MRTFA: variants seen among roughly 807,000 people sequenced by gnomAD.
MRTFA encodes myocardin-related transcription factor A.
MRTFA carries 20 observed loss-of-function variants against 83.5 expected under a neutral mutation model. That is an observed-to-expected ratio of 0.24 (90% CI 0.17 to 0.35). The LOEUF is 0.35. Among genes scored for constraint, MRTFA ranks in the 10% least tolerant of loss-of-function variants. The probability of loss-of-function intolerance (pLI) is 1.00; values close to 1 mark genes in which losing one functional copy is unlikely to be tolerated. For synonymous variants in MRTFA, 659 were observed against 541.2 expected, an observed-to-expected ratio of 1.22 and a Z score of -3.02; for missense variants, 1,200 against 1,224.7, an observed-to-expected ratio of 0.98 and a Z score of 0.30.
At chr22:40,453,307 T>A (rs1044791034) in intron 4 of MRTFA, among the ~76,000 whole-genome samples, 2 of 152,150 alleles carry the variant, frequency 1.3e-5, no homozygotes, top group African/African-American at 4.8e-5. Context: ...TCTTAAAGAA[T>A]GAAAAGATAA....
intron 2 of MRTFA, among the ~76,000 whole-genome samples, chr22:40,559,897 T>A (rs984330717): frequency 1.1e-4 from 16 of 152,218 alleles, no homozygotes; most frequent in African/African-American, 3.6e-4. Context: ...TTCAGAATAG[T>A]TCTGTAATTA....
At chr22:40,493,085 T>C (rs1226704898) in intron 3 of MRTFA, among the ~76,000 whole-genome samples, 1 of 152,176 alleles carries the variant, frequency 6.6e-6, no homozygotes, top group African/African-American at 2.4e-5. Flanking sequence ...CCATTTGATT[T>C]TACTCCTTGT....
chr22:40,441,961 T>C (rs2053285904), intron 4 of MRTFA, among the ~76,000 whole-genome samples: 1 of 152,096 alleles, frequency 6.6e-6, no homozygotes, highest in Non-Finnish European at 1.5e-5. Context: ...GCCAGAATGG[T>C]CTTGATTTAA....
intron 3 of MRTFA, chr22:40,519,674 A>T: frequency 4.3e-6 from 5 of 1,174,954 alleles, no homozygotes; most frequent in Non-Finnish European, 5.5e-6. Flanking sequence ...ACTTAAAAAA[A>T]ATGTTATAAC....
chr22:40,636,627 A>C lies in MRTFA; in HGVS notation c.-233T>G, dbSNP rs1008546744. 2 of 152,310 alleles carry C rather than the reference A, an allele frequency of 1.3e-5. No individual in the cohort carries two copies. The highest frequency in any genetic ancestry group is 4.8e-5 in the African/African-American group (2 of 41,444). The allele number at this position is 152,310 out of a possible 1,614,324, so 9.4% of individuals were successfully genotyped here. ...GGGCGTGTGGCCAGCGGCAACCAAG[A>C]GGGTGGGAAAGATGGGACCGTCGCT... is the stretch of plus-strand genomic sequence containing the variant. On this transcript the variant is annotated 5_prime_UTR_variant, in exon 1 of 15. Transcript: ENST00000355630.
intron 2 of MRTFA, among the ~76,000 whole-genome samples, chr22:40,583,200 CAT>C (rs914934129): frequency 6.6e-6 from 1 of 152,092 alleles, no homozygotes; most frequent in African/African-American, 2.4e-5. Flanking sequence ...AATATAGCCA[CAT>C]GACAGCTCAT....
chr22:40,452,378 G>A (rs1419075448), intron 4 of MRTFA, among the ~76,000 whole-genome samples: 1 of 152,152 alleles, frequency 6.6e-6, no homozygotes, highest in Non-Finnish European at 1.5e-5. Flanking sequence ...AAATAGTTGA[G>A]TAGTACCTAC....
At chr22:40,624,811 T>C (rs989410548) in intron 1 of MRTFA, among the ~76,000 whole-genome samples, 2 of 152,246 alleles carry the variant, frequency 1.3e-5, no homozygotes, top group Admixed American at 1.3e-4. Context: ...CTTGTCCAAA[T>C]TGTATAAGTC....
intron 3 of MRTFA, among the ~76,000 whole-genome samples, chr22:40,536,063 G>C (rs1037761651): frequency 2.0e-5 from 3 of 151,880 alleles, no homozygotes; most frequent in South Asian, 2.1e-4. Context: ...AGGCCAAACG[G>C]GAGGGTGGGT....
At chr22:40,511,587 C>T (rs1218454643) in intron 3 of MRTFA, among the ~76,000 whole-genome samples, 1 of 152,236 alleles carries the variant, frequency 6.6e-6, no homozygotes, top group Non-Finnish European at 1.5e-5. Context: ...GAAATTCCCT[C>T]TCTCTGTTCC....
At chr22:40,598,965 TC>T (rs1233996133) in intron 1 of MRTFA, among the ~76,000 whole-genome samples, 1 of 140,648 alleles carries the variant, frequency 7.1e-6, no homozygotes. Flanking sequence ...GCCACTGCAC[TC>T]CAGCCTGGGC....
At chr22:40,610,124 G>A (rs2056370300) in intron 1 of MRTFA, among the ~76,000 whole-genome samples, 1 of 137,012 alleles carries the variant, frequency 7.3e-6, no homozygotes, top group South Asian at 2.5e-4. Flanking sequence ...TCAGCTCACC[G>A]CAACCTCCAC....
intron 1 of MRTFA, among the ~76,000 whole-genome samples, chr22:40,596,731 A>G (rs944630988): frequency 1.3e-5 from 2 of 152,098 alleles, no homozygotes; most frequent in Non-Finnish European, 2.9e-5. Context: ...CTTGAACCCG[A>G]GAGGCAGAAG....
intron 1 of MRTFA, among the ~76,000 whole-genome samples, chr22:40,629,991 G>A (rs987680948): frequency 1.3e-5 from 2 of 151,832 alleles, no homozygotes; most frequent in Admixed American, 1.3e-4. Flanking sequence ...GAGTTTGAGG[G>A]ACAAGGTTAA....
intron 3 of MRTFA, among the ~76,000 whole-genome samples, chr22:40,542,429 T>TG (rs2055306636): frequency 1.3e-5 from 2 of 152,226 alleles, no homozygotes; most frequent in African/African-American, 4.8e-5. Flanking sequence ...TCTAACTCTT[T>TG]GTTGAGTCTT....
intron 3 of MRTFA, among the ~76,000 whole-genome samples, chr22:40,475,456 G>C (rs1168010096): frequency 6.6e-6 from 1 of 152,032 alleles, no homozygotes; most frequent in African/African-American, 2.4e-5. Flanking sequence ...AGAATGGCTT[G>C]AATCTGGGAG....
intron 4 of MRTFA, 36 bp downstream of exon 4, chr22:40,463,185 G>A (rs1295587550): frequency 5.7e-6 from 9 of 1,585,570 alleles, no homozygotes; most frequent in Non-Finnish European, 7.8e-6. Context: ...TGTCCTAAAA[G>A]CAATCTACCA....
In MRTFA at chr22:40,411,335, G is replaced by A. The variant is rs568808009; in HGVS notation, c.*55C>T. 6.1e-5 allele frequency: 91 copies of A among 1,501,220 alleles called. No homozygotes were observed. The East Asian group carries it at 8.9e-4, about 15-fold the overall frequency. The allele number at this position is 1,501,220 out of a possible 1,614,324, so 93.0% of individuals were successfully genotyped here. The stretch of plus-strand genomic sequence containing the variant: ...AGGCCGAATCACGCAGGAGAGCCAC[G>A]CATTGGAGTACCCTGGCTCCCAGCC... On this transcript the variant is annotated 3_prime_UTR_variant, in exon 15 of 15. Transcript: ENST00000355630.
chr22:40,607,987 G>A (rs1279015741), intron 1 of MRTFA, among the ~76,000 whole-genome samples: 11 of 152,230 alleles, frequency 7.2e-5, no homozygotes, highest in Non-Finnish European at 4.4e-5. Flanking sequence ...CAACTGTAAG[G>A]ATCAAATGAA....
Sources: allele counts gnomAD v4.1 joint callset (sites outside exome capture counted in the v4.1 genomes callset), GRCh38; gene constraint gnomAD v4.1.1; transcripts MANE v1.5; gene names NCBI Gene and HGNC (gene_info 2026-07-23, HGNC 2026-07-21).